Variants in AFG3L2 observed in about 807,000 individuals in gnomAD.
AFG3L2 encodes the protein mitochondrial inner membrane m-AAA protease component AFG3L2.
Under a neutral mutation model 94.5 loss-of-function variants are expected in AFG3L2, and 54 were observed. The observed-to-expected ratio is 0.57, with a 90% CI of 0.46 to 0.72. AFG3L2 has a LOEUF of 0.72. Among genes scored for constraint, AFG3L2 ranks in the 30% least tolerant of loss-of-function variants. AFG3L2 has a pLI of 0.00. For missense variants in AFG3L2, 754 were observed against 994.9 expected (o/e 0.76, Z 3.26); for synonymous variants, 377 against 365.5 (o/e 1.03, Z -0.36).
At chr18:12,370,357 G>A (rs969130210) in intron 3 of AFG3L2, among the ~76,000 whole-genome samples, 57 of 151,366 alleles carry the variant, frequency 3.8e-4, no homozygotes, top group African/African-American at 1.2e-3. Context: ...TTTGCAAAAT[G>A]ACAGAAAAAT....
At chr18:12,332,603 G>C (rs1475314032) in intron 16 of AFG3L2, among the ~76,000 whole-genome samples, 1 of 151,544 alleles carries the variant, frequency 6.6e-6, no homozygotes, top group Non-Finnish European at 1.5e-5. Flanking sequence ...GATCAATTTA[G>C]AAACATTCTT....
Position 12,342,312 on chromosome 18 carries a change from A to G in AFG3L2, c.1779+1820T>C, listed in dbSNP as rs150216862. ...GTGAATTTGCATGTCCCTGATAAAT[A>G]ATGATACCCTGTGTGTGCTTAATGC... On this transcript the variant is annotated intron_variant, in intron 14 of 16. Transcript: ENST00000269143. The G allele has an allele frequency of 1.5e-4, 23 of 152,336 alleles. No homozygotes were observed. The East Asian group carries it at 4.4e-3, about 29-fold the overall frequency. The allele number at this position is 152,336 out of a possible 1,614,324, so 9.4% of individuals were successfully genotyped here.
In AFG3L2 at chr18:12,356,725, A is replaced by G. The variant is rs778835119; in HGVS notation, c.1133T>C (p.Leu378Ser). 1 of 1,614,208 alleles carries G rather than the reference A, an allele frequency of 6.2e-7. No homozygotes were observed. The highest frequency in any genetic ancestry group is 1.3e-5 in the African/African-American group (1 of 75,056). The change falls in exon 9 of 17, where the codon TTG (leucine) becomes TCG (serine). Residue 378 changes from leucine (L) to serine (S), a missense_variant. By Grantham distance (145) the Leu-to-Ser change is moderately radical. Coordinates refer to ENST00000269143, the MANE Select transcript of AFG3L2 (RefSeq NM_006796.3). ...AGGGCCCACACCAACGAACATCTCCAAAAACTCAGATCCACTAACGGTGAT... is the reference window on the plus strand; with the variant it reads ...AGGGCCCACACCAACGAACATCTCCGAAAACTCAGATCCACTAACGGTGAT... ...PFITVSGSEF[L>S]EMFVGVGPAR...
At chr18:12,369,711 CAAAAA>C in intron 3 of AFG3L2, among the ~76,000 whole-genome samples, 1 of 89,634 alleles carries the variant, frequency 1.1e-5, no homozygotes, top group Admixed American at 1.2e-4. Context: ...GACCCCTCCT[CAAAAA>C]AAAAAAAAAA....
intron 5 of AFG3L2, 81 bp downstream of exon 5, chr18:12,366,884 T>G: frequency 6.4e-7 from 1 of 1,566,326 alleles, no homozygotes; most frequent in Admixed American, 1.7e-5. Context: ...CAGGTTAACC[T>G]GCTGACTGTC....
rs1427880587 is a variant in AFG3L2 at position 12,377,075 on chromosome 18, T to A, written c.8A>T (p.His3Leu). 1.4e-6 allele frequency: 2 copies of A among 1,424,364 alleles called. No homozygotes were observed. The highest frequency in any genetic ancestry group is 9.2e-7 in the Non-Finnish European group (1 of 1,089,220). 88.2% of individuals were successfully genotyped at this position (1,424,364 alleles called of 1,614,324 possible). A position where few individuals can be genotyped will look rare whatever the true frequency, so the allele number is the denominator to read the frequency against. MA[H>L]RCLRLWGRGG... ...CCGGCCCCACAGCCGCAAACAGCGG[T>A]GCGCCATGGCCGCCGCCGTGGCCCT... Residue 3 changes from histidine to leucine, a missense_variant, in exon 1 of 17, where the codon CAC becomes CTC. Physicochemically the swap from His to Leu is moderately conservative, Grantham distance 99. Coordinates refer to ENST00000269143, the MANE Select transcript of AFG3L2 (RefSeq NM_006796.3).
chr18:12,367,244 C>T, intron 4 of AFG3L2, 32 bp downstream of exon 4: 1 of 1,613,886 alleles, frequency 6.2e-7, no homozygotes, highest in Non-Finnish European at 8.5e-7. Flanking sequence ...ACCATCATAA[C>T]CTCAAAATTC....
intron 1 of AFG3L2, among the ~76,000 whole-genome samples, chr18:12,375,216 A>T (rs1035724024): frequency 1.3e-5 from 2 of 151,036 alleles, no homozygotes; most frequent in Non-Finnish European, 3.0e-5. Flanking sequence ...AGGAGTAAAA[A>T]TCATGAATGC....
intron 1 of AFG3L2, among the ~76,000 whole-genome samples, chr18:12,374,244 TAA>T (rs1909075205): frequency 6.6e-6 from 1 of 152,200 alleles, no homozygotes; most frequent in African/African-American, 2.4e-5. Context: ...AAGAATAATG[TAA>T]GAGATACTAA....
intron 16 of AFG3L2, among the ~76,000 whole-genome samples, chr18:12,335,152 C>A (rs528181027): frequency 1.3e-4 from 20 of 152,260 alleles, no homozygotes; most frequent in African/African-American, 4.6e-4. Context: ...TACCCTGAAA[C>A]AAAGTTCTGC....
At chr18:12,333,449 C>A (rs536006020) in intron 16 of AFG3L2, among the ~76,000 whole-genome samples, 5 of 147,636 alleles carry the variant, frequency 3.4e-5, no homozygotes, top group African/African-American at 1.0e-4. Flanking sequence ...CCTCTAGCCT[C>A]AACTTCCTGG....
At chr18:12,366,421 C>G (rs896444519) in intron 5 of AFG3L2, among the ~76,000 whole-genome samples, 66 of 152,182 alleles carry the variant, frequency 4.3e-4, no homozygotes, top group Non-Finnish European at 8.4e-4. Flanking sequence ...GTAACAAAGG[C>G]TGCTCCGCAG....
chr18:12,336,982 AT>A (rs1907761886), intron 16 of AFG3L2: 1 of 487,854 alleles, frequency 2.0e-6, no homozygotes. Context: ...CTACCTATTT[AT>A]TTTAGAGGTG....
At chr18:12,342,269 T>C (rs1907977396) in intron 14 of AFG3L2, 2 of 152,202 alleles carry the variant, frequency 1.3e-5, no homozygotes, top group South Asian at 2.1e-4. Context: ...CTAGCAAGTA[T>C]GTTCAGGTAG....
At chr18:12,373,406 A>G (rs895626408) in intron 1 of AFG3L2, among the ~76,000 whole-genome samples, 1 of 152,242 alleles carries the variant, frequency 6.6e-6, no homozygotes, top group Admixed American at 6.5e-5. Context: ...TCCCACCCCT[A>G]AGAAGCACAG....
At chr18:12,367,481 A>C (rs1052451247) in intron 3 of AFG3L2, 99 bp from the exon 4 acceptor site, 1 of 1,116,378 alleles carries the variant, frequency 9.0e-7, no homozygotes, top group African/African-American at 1.5e-5. Context: ...TCATTGCAGA[A>C]TACACTGTGG....
intron 13 of AFG3L2, among the ~76,000 whole-genome samples, chr18:12,346,903 C>CAAAAA (rs35013811): frequency 5.4e-5 from 2 of 36,854 alleles, no homozygotes; most frequent in African/African-American, 1.2e-4. Flanking sequence ...GACTCCATCT[C>CAAAAA]AAAAAAAAAA....
At chr18:12,371,836 G>A in intron 1 of AFG3L2, 145 bp from the exon 2 acceptor site, 4 of 696,216 alleles carry the variant, frequency 5.7e-6, no homozygotes, top group Non-Finnish European at 1.0e-5. Flanking sequence ...CCTTAGTGAG[G>A]ACTAGGATTA....
chr18:12,362,827 T>C (rs1260907152), intron 6 of AFG3L2, among the ~76,000 whole-genome samples: 1 of 152,178 alleles, frequency 6.6e-6, no homozygotes, highest in African/African-American at 2.4e-5. Context: ...ACTTTCTCCC[T>C]AGGCTTCCCT....
Sources: gnomAD v4.1 joint callset for allele counts (sites outside exome capture counted in the v4.1 genomes callset) on GRCh38, gnomAD v4.1.1 for gene constraint, MANE v1.5 for transcripts, NCBI Gene and HGNC (gene_info 2026-07-23, HGNC 2026-07-21) for gene names.